The following DLGAP1 variants were observed in gnomAD, a reference collection of about 807,000 sequenced individuals.
The protein encoded by DLGAP1 is DLG associated protein 1, also known as disks large-associated protein 1.
DLGAP1 carries 11 observed loss-of-function variants against 90.8 expected under a neutral mutation model. The ratio of observed to expected loss-of-function variants is 0.12; its 90% CI spans 0.08 to 0.20. DLGAP1 has a LOEUF of 0.20. DLGAP1 is among the 10% of genes least tolerant of loss of function. The probability of loss-of-function intolerance (pLI) is 1.00; values close to 1 mark genes in which losing one functional copy is unlikely to be tolerated. For synonymous variants in DLGAP1, 558 were observed against 540.7 expected (o/e 1.03, Z -0.44); for missense variants, 1,050 against 1,333.8 (o/e 0.79, Z 3.31).
At chr18:3,567,698 AC>A in intron 8 of DLGAP1, 117 bp from the exon 9 acceptor site, 1 of 883,578 alleles carries the variant, frequency 1.1e-6, no homozygotes, top group Non-Finnish European at 1.8e-6. Flanking sequence ...GTAATTTATA[AC>A]CTCCTTGTTC....
At chr18:3,741,115 C>CCACCATCACCACCACCACCACATCACCAT (rs2062952050) in intron 6 of DLGAP1, among the ~76,000 whole-genome samples, 1 of 92,506 alleles carries the variant, frequency 1.1e-5, no homozygotes, top group Non-Finnish European at 2.2e-5. Context: ...ACCATCACCA[C>CCACCATCACCACCACCACCACATCACCAT]CACCATCACC....
intron 9 of DLGAP1, among the ~76,000 whole-genome samples, chr18:3,564,431 C>T (rs1327700500): frequency 6.6e-6 from 1 of 152,122 alleles, no homozygotes; most frequent in Non-Finnish European, 1.5e-5. Flanking sequence ...CAGGTAGGTT[C>T]TAGGCTCTGA....
chr18:3,874,720 A>G lies in DLGAP1; in HGVS notation c.957+4392T>C, dbSNP rs1375175292. 9 of 1,527,916 alleles carry G rather than the reference A, an allele frequency of 5.9e-6. No homozygotes were observed. In the Admixed American group the frequency reaches 8.1e-5, roughly 14 times the overall value. The allele number at this position is 1,527,916 out of a possible 1,614,324, so 94.6% of individuals were successfully genotyped here. ...CTTCAAATCCATGTTCCTGCTCCCA[A>G]CCCTAATACAGACAGTCACTGGCAG... On this transcript the variant is annotated intron_variant, in intron 4 of 12. Coordinates refer to ENST00000315677, the MANE Select transcript of DLGAP1 (RefSeq NM_004746.4).
chr18:3,791,031 T>C (rs1392729043), intron 5 of DLGAP1, among the ~76,000 whole-genome samples: 1 of 152,160 alleles, frequency 6.6e-6, no homozygotes, highest in African/African-American at 2.4e-5. Context: ...CTCTCAGAAA[T>C]GACAGAATCA....
chr18:4,208,120 C>A (rs2077758835), intron 1 of DLGAP1, among the ~76,000 whole-genome samples: 1 of 152,164 alleles, frequency 6.6e-6, no homozygotes, highest in African/African-American at 2.4e-5. Context: ...GAAAATTGCT[C>A]TATTCTTGAT....
At chr18:4,297,486 A>T (rs1430125805) in intron 1 of DLGAP1, among the ~76,000 whole-genome samples, 1 of 152,242 alleles carries the variant, frequency 6.6e-6, no homozygotes, top group East Asian at 1.9e-4. Flanking sequence ...ACATTGTAAC[A>T]TATCCTCTAT....
At chr18:3,830,844 C>T (rs1045252593) in intron 4 of DLGAP1, among the ~76,000 whole-genome samples, 2 of 152,184 alleles carry the variant, frequency 1.3e-5, no homozygotes, top group Non-Finnish European at 1.5e-5. Flanking sequence ...GACCAATATT[C>T]ATTCCTATAA....
chr18:3,955,017 G>A (rs1008556197), intron 3 of DLGAP1, among the ~76,000 whole-genome samples: 17 of 152,152 alleles, frequency 1.1e-4, no homozygotes. Context: ...GCTGCCTGGG[G>A]ATCCGCAGAG....
chr18:4,180,957 A>C (rs2077197340), intron 1 of DLGAP1, among the ~76,000 whole-genome samples: 1 of 151,792 alleles, frequency 6.6e-6, no homozygotes, highest in African/African-American at 2.4e-5. Context: ...AGCTGCTCAG[A>C]GGTCCAGGCA....
At chr18:4,065,366 G>C (rs755969545) in intron 2 of DLGAP1, among the ~76,000 whole-genome samples, 1 of 151,986 alleles carries the variant, frequency 6.6e-6, no homozygotes, top group Non-Finnish European at 1.5e-5. Flanking sequence ...TAAATAGTAA[G>C]AGAAGAAGTC....
chr18:3,969,440 G>A (rs1178785050), intron 3 of DLGAP1, among the ~76,000 whole-genome samples: 1 of 152,100 alleles, frequency 6.6e-6, no homozygotes, highest in Non-Finnish European at 1.5e-5. Flanking sequence ...GTATTACACC[G>A]CTGACCCATT....
chr18:3,695,528 T>C (rs1444902714), intron 7 of DLGAP1, among the ~76,000 whole-genome samples: 2 of 152,210 alleles, frequency 1.3e-5, no homozygotes, highest in East Asian at 1.9e-4. Flanking sequence ...TGTGGCATTA[T>C]TTCTGAGGCT....
chr18:3,671,690 CAT>C (rs1240760372), intron 7 of DLGAP1, among the ~76,000 whole-genome samples: 2 of 152,248 alleles, frequency 1.3e-5, no homozygotes, highest in African/African-American at 4.8e-5. Context: ...TTCTCCCACA[CAT>C]ACTCATTCAC....
intron 3 of DLGAP1, among the ~76,000 whole-genome samples, chr18:3,924,082 C>A (rs1290228304): frequency 6.6e-6 from 1 of 152,148 alleles, no homozygotes; most frequent in Non-Finnish European, 1.5e-5. Flanking sequence ...TTAAAAGTGT[C>A]AGTGATGTCA....
chr18:3,644,433 G>A (rs1401473639), intron 7 of DLGAP1, among the ~76,000 whole-genome samples: 7 of 135,638 alleles, frequency 5.2e-5, no homozygotes, highest in East Asian at 4.7e-4. Flanking sequence ...TTATTGAGAT[G>A]GAGTTTTGCT....
At chr18:4,076,722 C>T (rs536700700) in intron 2 of DLGAP1, among the ~76,000 whole-genome samples, 1 of 152,062 alleles carries the variant, frequency 6.6e-6, no homozygotes, top group Non-Finnish European at 1.5e-5. Flanking sequence ...CTCCAGGGTT[C>T]AAGCGATTCC....
chr18:4,147,699 C>A (rs2076609905), intron 2 of DLGAP1, among the ~76,000 whole-genome samples: 1 of 151,998 alleles, frequency 6.6e-6, no homozygotes, highest in African/African-American at 2.4e-5. Context: ...AAAAATGCAT[C>A]AAAAATCTTA....
chr18:4,038,957 G>A (rs185367968), intron 2 of DLGAP1, among the ~76,000 whole-genome samples: 114 of 152,154 alleles, frequency 7.5e-4, no homozygotes, highest in Non-Finnish European at 1.2e-3. Context: ...AAATCAAGGC[G>A]CCACAAGGGT....
intron 7 of DLGAP1, among the ~76,000 whole-genome samples, chr18:3,645,119 G>C (rs1016271913): frequency 6.6e-6 from 1 of 151,846 alleles, no homozygotes; most frequent in Non-Finnish European, 1.5e-5. Flanking sequence ...TCTTTTTTGA[G>C]ACAGGGTCTC....
Sources: gnomAD v4.1 joint callset for allele counts (sites outside exome capture counted in the v4.1 genomes callset) on GRCh38, gnomAD v4.1.1 for gene constraint, MANE v1.5 for transcripts, NCBI Gene and HGNC (gene_info 2026-07-23, HGNC 2026-07-21) for gene names.